Variants in COL6A6 observed in about 807,000 individuals in gnomAD.
The protein encoded by COL6A6 is collagen type VI alpha 6 chain.
COL6A6 carries 183 observed loss-of-function variants against 208.6 expected under a neutral mutation model. That is an observed-to-expected ratio of 0.88 (90% confidence interval 0.78 to 0.99). The LOEUF is 0.99. Ranked by LOEUF, COL6A6 falls within the 50% of genes least tolerant of loss-of-function variation. The pLI is 0.00. For missense variants in COL6A6, 2,816 were observed against 2,815.2 expected, an observed-to-expected ratio of 1.00 and a Z score of -0.01; for synonymous variants, 973 against 1,011.8, an observed-to-expected ratio of 0.96 and a Z score of 0.73.
intron 1 of COL6A6, among the ~76,000 whole-genome samples, chr3:130,551,902 A>C (rs1272572013): frequency 2.1e-4 from 32 of 152,062 alleles, no homozygotes. Context: ...TTTCTGCCTT[A>C]ATTTCATTAT....
At chr3:130,610,613 T>C in intron 22 of COL6A6, 36 bp from the exon 23 acceptor site, 1 of 1,470,888 alleles carries the variant, frequency 6.8e-7, no homozygotes, top group Non-Finnish European at 9.3e-7. Context: ...TGTTCTCTTT[T>C]AGGCAAAAAA....
intron 1 of COL6A6, among the ~76,000 whole-genome samples, chr3:130,545,478 G>C (rs954075096): frequency 1.6e-4 from 21 of 134,912 alleles, no homozygotes; most frequent in Non-Finnish European, 2.6e-4. Flanking sequence ...TTTTAGATGG[G>C]ATTTCTCTCT....
chr3:130,649,162 A>C lies in COL6A6; in HGVS notation c.5333A>C (p.Glu1778Ala), dbSNP rs765547289. Reference protein sequence around the residue: ...VTEQEFERMKEMMAFLVRDIK... With the variant: ...VTEQEFERMKAMMAFLVRDIK... ...GAGCAGGAATTTGAGCGGATGAAGG[A>C]GATGATGGCTTTCCTGGTGAGAGAC... is the stretch of plus-strand genomic sequence containing the variant. The change falls in exon 33 of 37, where the codon GAG becomes GCG. Residue 1778 changes from glutamate to alanine, a missense_variant. Physicochemically the swap from Glu to Ala is moderately radical, Grantham distance 107 (BLOSUM62 -1). Transcript: ENST00000358511. The C allele has an allele frequency of 6.3e-7, 1 of 1,595,028 alleles. No individual in the cohort carries two copies. Among genetic ancestry groups the C allele is most frequent in the South Asian group, 1.1e-5 (1 of 87,582 alleles).
chr3:130,635,251 TAGAA>T (rs571054800), intron 27 of COL6A6, among the ~76,000 whole-genome samples: 4 of 151,640 alleles, frequency 2.6e-5, no homozygotes, highest in African/African-American at 7.3e-5. Flanking sequence ...AAAATAAAAG[TAGAA>T]AGAAAAGTGT....
At chr3:130,531,988 G>A (rs1251827323) in intron 1 of COL6A6, among the ~76,000 whole-genome samples, 1 of 152,188 alleles carries the variant, frequency 6.6e-6, no homozygotes, top group Non-Finnish European at 1.5e-5. Context: ...TGTTTAGGAT[G>A]AAATATGACT....
Position 130,662,403 on chromosome 3 carries a change from C to G in COL6A6, c.6502+95C>G, listed in dbSNP as rs2065960961. On this transcript the variant is annotated intron_variant, in intron 35 of 36. Transcript: ENST00000358511. ...AGCTAACATGGATACTTGGAAACCT[C>G]TTGTCTGTCTTCAAGGGCACTTCAG... is the stretch of plus-strand genomic sequence containing the variant. 3 of 1,225,660 alleles carry G rather than the reference C, an allele frequency of 2.4e-6. No individual in the cohort carries two copies. The South Asian group carries it at 4.4e-5, about 18-fold the overall frequency. 75.9% of individuals were successfully genotyped at this position (1,225,660 alleles called of 1,614,324 possible). A position where few individuals can be genotyped will look rare whatever the true frequency, so the allele number is the denominator to read the frequency against.
At chr3:130,538,666 A>G (rs1255488327) in intron 1 of COL6A6, among the ~76,000 whole-genome samples, 2 of 152,230 alleles carry the variant, frequency 1.3e-5, no homozygotes, top group African/African-American at 2.4e-5. Flanking sequence ...TAGGATTTTA[A>G]TTAGGCAGTC....
intron 19 of COL6A6, among the ~76,000 whole-genome samples, chr3:130,598,946 C>T (rs143042792): frequency 1.3e-5 from 2 of 152,218 alleles, no homozygotes; most frequent in African/African-American, 2.4e-5. Context: ...CTAAAAAATG[C>T]GTTACTGGAT....
At chr3:130,545,454 T>TC (rs1245964697) in intron 1 of COL6A6, among the ~76,000 whole-genome samples, 7 of 296 alleles carry the variant, frequency 0.024, no homozygotes, top group South Asian at 0.19. Flanking sequence ...TTTCAGGCAT[T>TC]TTTTTTTTTT....
In COL6A6 at chr3:130,586,496, T is replaced by A. The variant is rs1186273697; in HGVS notation, c.3971-10T>A. ...ACCTCACCTGGAACATTGTAAACTGTGTTGGATAGGCCTGAATGCCCTCAT... is the reference window on the plus strand; with the variant it reads ...ACCTCACCTGGAACATTGTAAACTGAGTTGGATAGGCCTGAATGCCCTCAT... On this transcript the variant is annotated splice_polypyrimidine_tract_variant and intron_variant, in intron 10 of 36. Transcript: ENST00000358511. The A allele has an allele frequency of 1.2e-6, 2 of 1,607,554 alleles. No individual in the cohort carries two copies. Among genetic ancestry groups the A allele is most frequent in the Non-Finnish European group, 8.5e-7 (1 of 1,177,806 alleles).
At chr3:130,529,590 T>C (rs776026471) in intron 1 of COL6A6, among the ~76,000 whole-genome samples, 5 of 152,194 alleles carry the variant, frequency 3.3e-5, no homozygotes, top group Non-Finnish European at 5.9e-5. Flanking sequence ...TTGGACATGC[T>C]GCCTCACCTC....
intron 36 of COL6A6, among the ~76,000 whole-genome samples, 164 bp from the exon 37 acceptor site, chr3:130,675,038 T>A (rs1296793469): frequency 1.3e-5 from 2 of 152,226 alleles, no homozygotes; most frequent in South Asian, 4.1e-4. Context: ...CAGCTTCTGA[T>A]ATATGAGCCA....
chr3:130,519,028 A>G (rs923854331), intron 1 of COL6A6, among the ~76,000 whole-genome samples: 6 of 152,222 alleles, frequency 3.9e-5, no homozygotes, highest in African/African-American at 1.4e-4. Flanking sequence ...TTCTCCGGAA[A>G]TACTATTGTT....
At chr3:130,539,224 G>A (rs1334956148) in intron 1 of COL6A6, among the ~76,000 whole-genome samples, 4 of 152,222 alleles carry the variant, frequency 2.6e-5, no homozygotes, top group Non-Finnish European at 4.4e-5. Context: ...CCTGCTGGCC[G>A]CCATGGCTCA....
At position 130,641,668 on chromosome 3, in the gene COL6A6, C is replaced by A; in HGVS notation, c.5108C>A (p.Pro1703Gln). 1 of 1,595,590 alleles carries A rather than the reference C, an allele frequency of 6.3e-7. No homozygotes were observed. Among genetic ancestry groups the A allele is most frequent in the Non-Finnish European group, 8.6e-7 (1 of 1,165,490 alleles). The part of the protein sequence containing the change: ...ARGKMISAGL[P>Q]GEMGSPGEPG... The stretch of plus-strand genomic sequence containing the variant: ...TCCTTTGAGATATCTGCTGGGCTTC[C>A]AGGAGAGATGGGATCCCCTGGGGAA... The change falls in exon 29 of 37, where the codon CCA (proline) becomes CAA (glutamine). Residue 1703 changes from proline (P) to glutamine (Q), a missense_variant. Transcript: ENST00000358511.
At chr3:130,524,109 T>C (rs914468130) in intron 1 of COL6A6, among the ~76,000 whole-genome samples, 2 of 152,188 alleles carry the variant, frequency 1.3e-5, no homozygotes, top group Non-Finnish European at 2.9e-5. Flanking sequence ...GGAACCGAGA[T>C]GTACATTTAC....
intron 36 of COL6A6, among the ~76,000 whole-genome samples, chr3:130,669,338 G>A (rs1576431528): frequency 6.6e-6 from 1 of 151,952 alleles, no homozygotes; most frequent in Non-Finnish European, 1.5e-5. Context: ...GAGGTTGCAG[G>A]GAGCCAAGAT....
At chr3:130,647,114 G>C (rs1000696820) in intron 32 of COL6A6, among the ~76,000 whole-genome samples, 1 of 152,120 alleles carries the variant, frequency 6.6e-6, no homozygotes, top group African/African-American at 2.4e-5. Context: ...TGAGGTCACA[G>C]AGCCATGTTA....
In COL6A6 at chr3:130,574,064, A is replaced by C. The variant is rs2063233119; in HGVS notation, c.3086A>C (p.Asp1029Ala). The C allele has an allele frequency of 6.2e-7, 1 of 1,613,850 alleles. No homozygotes were observed. ...MKEFLASVVQDFDVSLNRVRI... is the reference protein window; with the variant it reads ...MKEFLASVVQAFDVSLNRVRI... The stretch of plus-strand genomic sequence containing the variant: ...GAATTTCTGGCATCTGTTGTTCAAG[A>C]CTTTGATGTCAGCCTCAACAGAGTG... The change falls in exon 8 of 37, where the codon GAC (aspartate) becomes GCC (alanine). Residue 1029 changes from aspartate to alanine, a missense_variant. Coordinates refer to ENST00000358511, the MANE Select transcript of COL6A6 (RefSeq NM_001102608.3).
Sources: allele counts gnomAD v4.1 joint callset (sites outside exome capture counted in the v4.1 genomes callset), GRCh38; gene constraint gnomAD v4.1.1; transcripts MANE v1.5; gene names NCBI Gene and HGNC (gene_info 2026-07-23, HGNC 2026-07-21).